The following VPS13A variants were observed in gnomAD, a reference collection of about 807,000 sequenced individuals.
VPS13A encodes intermembrane lipid transfer protein VPS13A.
A neutral mutation model predicts 390.9 loss-of-function variants in VPS13A; 264 were observed. The ratio of observed to expected loss-of-function variants is 0.68; its 90% CI spans 0.61 to 0.75. The LOEUF (loss-of-function observed/expected upper bound fraction) is 0.75, where lower values mean the gene tolerates loss of function less well. Ranked by LOEUF, VPS13A falls within the 30% of genes least tolerant of loss-of-function variation. The pLI is 0.00. For missense variants in VPS13A, 3,409 were observed against 3,733.9 expected (o/e 0.91, Z 2.27); for synonymous variants, 1,231 against 1,227.1 (o/e 1.00, Z -0.07).
intron 59 of VPS13A, among the ~76,000 whole-genome samples, chr9:77,363,404 ATT>A (rs61370510): frequency 3.4e-3 from 266 of 78,360 alleles, no homozygotes; most frequent in African/African-American, 8.3e-3. Context: ...TTTTTTTTTT[ATT>A]TTTTTTTTTT....
At chr9:77,213,180 G>A (rs1826068042) in intron 8 of VPS13A, 54 bp from the exon 9 acceptor site, 1 of 1,572,130 alleles carries the variant, frequency 6.4e-7, no homozygotes, top group Non-Finnish European at 8.7e-7. Flanking sequence ...TGAAAATAGT[G>A]TATGATAAAA....
intron 34 of VPS13A, among the ~76,000 whole-genome samples, chr9:77,304,942 CT>C (rs577555061): frequency 0.11 from 15,200 of 141,502 alleles, 617 homozygotes; most frequent in African/African-American, 0.13. Context: ...GACTTTTTTT[CT>C]TTTTTTTTTT....
intron 1 of VPS13A, among the ~76,000 whole-genome samples, chr9:77,187,604 A>AAC (rs771313054): frequency 1.1e-3 from 132 of 125,084 alleles, no homozygotes; most frequent in South Asian, 1.3e-3. Flanking sequence ...TTTACATACA[A>AAC]ACATACACAC....
chr9:77,357,270 G>T (rs1831850026), intron 55 of VPS13A, among the ~76,000 whole-genome samples: 1 of 125,988 alleles, frequency 7.9e-6, no homozygotes, highest in Non-Finnish European at 1.6e-5. Flanking sequence ...AGTGAACCAA[G>T]ATGGCCCCAC....
chr9:77,400,266 T>G (rs1236696821), intron 68 of VPS13A, among the ~76,000 whole-genome samples: 2 of 148,000 alleles, frequency 1.4e-5, no homozygotes, highest in Non-Finnish European at 3.0e-5. Context: ...CTTTTCATAT[T>G]CTTCACACAT....
rs199807227 is a variant in VPS13A at position 77,382,007 on chromosome 9, C to T, written c.9109C>T (p.Arg3037Ter). The T allele has an allele frequency of 1.6e-5, 25 of 1,606,284 alleles. No individual in the cohort carries two copies. The highest frequency in any genetic ancestry group is 9.4e-5 in the African/African-American group (7 of 74,734). Residue 3037 changes from arginine to a stop codon, truncating the protein, a stop_gained, in exon 68 of 72, where the codon CGA (arginine) becomes TGA (stop). Coordinates refer to ENST00000360280, the MANE Select transcript of VPS13A (RefSeq NM_033305.3). LOFTEE classifies it high-confidence loss of function. ...ATETSEVESL[R>*]PPRFFNEDGV... is the part of the protein sequence containing the mutation. ...AGAGACTTCTGAAGTGGAGAGTCTG[C>T]GACCTCCTCGGTTCTTCAATGAAGA...
At chr9:77,189,333 G>C (rs1004646874) in intron 1 of VPS13A, among the ~76,000 whole-genome samples, 1 of 151,998 alleles carries the variant, frequency 6.6e-6, no homozygotes, top group African/African-American at 2.4e-5. Context: ...CATGTGGCTG[G>C]CCGTTATCTC....
chr9:77,278,731 T>G (rs1260658694), intron 26 of VPS13A, among the ~76,000 whole-genome samples: 1 of 152,240 alleles, frequency 6.6e-6, no homozygotes, highest in Non-Finnish European at 1.5e-5. Flanking sequence ...TAGTCCTTTC[T>G]TCCAGTCTTT....
intron 23 of VPS13A, 98 bp from the exon 24 acceptor site, chr9:77,273,182 T>C (rs575749339): frequency 1.1e-6 from 1 of 931,956 alleles, no homozygotes; most frequent in Non-Finnish European, 1.7e-6. Context: ...TGGATAGCTT[T>C]TTGTCAAAAC....
At chr9:77,261,628 G>T (rs1174370488) in intron 23 of VPS13A, among the ~76,000 whole-genome samples, 3 of 150,014 alleles carry the variant, frequency 2.0e-5, no homozygotes, top group African/African-American at 4.9e-5. Flanking sequence ...TCTTTTGCTC[G>T]GGCTGGAGTA....
At chr9:77,234,623 C>T (rs959978577) in intron 17 of VPS13A, among the ~76,000 whole-genome samples, 9 of 152,100 alleles carry the variant, frequency 5.9e-5, no homozygotes, top group African/African-American at 2.2e-4. Flanking sequence ...CTGCCAGTCT[C>T]TATCTTTCCT....
chr9:77,259,476 C>T (rs552673394), intron 22 of VPS13A, among the ~76,000 whole-genome samples: 1 of 152,118 alleles, frequency 6.6e-6, no homozygotes, highest in East Asian at 1.9e-4. Context: ...AGTGTGCGTA[C>T]GTGGAAAAAG....
At chr9:77,353,234 A>G (rs1039846113) in intron 53 of VPS13A, among the ~76,000 whole-genome samples, 175 bp from the exon 54 acceptor site, 2 of 152,080 alleles carry the variant, frequency 1.3e-5, no homozygotes, top group Non-Finnish European at 2.9e-5. Context: ...AAATGATTTC[A>G]ATAATGTAAA....
Position 77,321,156 on chromosome 9 carries a change from T to C in VPS13A, c.5416-13T>C. ...AGAATTTTTCCTTATATTTCTATGATTTATCATTTTAGATGAAAAAGAAAG... is the reference window on the plus strand; with the variant it reads ...AGAATTTTTCCTTATATTTCTATGACTTATCATTTTAGATGAAAAAGAAAG... On this transcript the variant is annotated splice_polypyrimidine_tract_variant and intron_variant, in intron 42 of 71. Transcript: ENST00000360280. 1 of 1,609,426 alleles carries C rather than the reference T, an allele frequency of 6.2e-7. No homozygotes were observed.
intron 50 of VPS13A, chr9:77,340,755 G>T: frequency 1.8e-6 from 1 of 570,092 alleles, no homozygotes; most frequent in African/African-American, 1.9e-5. Flanking sequence ...GGAATGCCCA[G>T]CTTGTTAAGG....
At chr9:77,219,553 G>T (rs1823066128) in intron 10 of VPS13A, among the ~76,000 whole-genome samples, 1 of 152,148 alleles carries the variant, frequency 6.6e-6, no homozygotes, top group Non-Finnish European at 1.5e-5. Flanking sequence ...AAATTGATCA[G>T]AAATTCAGAA....
chr9:77,310,929 ATTT>A (rs764142410), intron 35 of VPS13A, among the ~76,000 whole-genome samples: 2 of 145,916 alleles, frequency 1.4e-5, no homozygotes, highest in Admixed American at 1.4e-4. Flanking sequence ...ACTTTCACTA[ATTT>A]TTTTTTTTTT....
intron 50 of VPS13A, among the ~76,000 whole-genome samples, chr9:77,342,794 G>A (rs1192382909): frequency 6.6e-6 from 1 of 152,134 alleles, no homozygotes; most frequent in Non-Finnish European, 1.5e-5. Context: ...TACTCAACCT[G>A]TGTAAGCAGG....
chr9:77,200,156 C>T (rs949596514), intron 2 of VPS13A, among the ~76,000 whole-genome samples, 168 bp downstream of exon 2: 7 of 152,054 alleles, frequency 4.6e-5, no homozygotes, highest in African/African-American at 7.2e-5. Context: ...CCTGAAAGCA[C>T]AAATGGACAG....
Sources: gnomAD v4.1 joint callset for allele counts (sites outside exome capture counted in the v4.1 genomes callset) on GRCh38, gnomAD v4.1.1 for gene constraint, MANE v1.5 for transcripts, NCBI Gene and HGNC (gene_info 2026-07-23, HGNC 2026-07-21) for gene names.